Variants in WNT3A observed in about 807,000 individuals in gnomAD.
The protein encoded by WNT3A is Wnt family member 3A.
WNT3A carries 17 observed loss-of-function variants against 37.0 expected under a neutral mutation model. The observed-to-expected ratio is 0.46, with a 90% CI of 0.31 to 0.69. The LOEUF is 0.69. WNT3A is among the 30% of genes least tolerant of loss of function. The probability of loss-of-function intolerance (pLI) is 0.05; values close to 1 mark genes in which losing one functional copy is unlikely to be tolerated. For synonymous variants in WNT3A, 187 were observed against 211.0 expected (o/e 0.89, Z 0.99); for missense variants, 411 against 510.2 (o/e 0.81, Z 1.87).
intron 2 of WNT3A, among the ~76,000 whole-genome samples, chr1:228,036,943 C>A (rs999307187): frequency 6.6e-6 from 1 of 152,148 alleles, no homozygotes; most frequent in African/African-American, 2.4e-5. Context: ...CAGGAGCGGG[C>A]GAGGCCTGGA....
chr1:228,011,440 G>A (rs989193428), intron 1 of WNT3A, among the ~76,000 whole-genome samples: 1 of 152,088 alleles, frequency 6.6e-6, no homozygotes, highest in African/African-American at 2.4e-5. Context: ...GCCCGCATCT[G>A]TCTGTGTCTC....
Position 228,022,733 on chromosome 1 carries a change from G to C in WNT3A, c.138G>C (p.Pro46=). 6.2e-7 allele frequency: 1 copy of C among 1,614,100 alleles called. No homozygotes were observed. The highest frequency in any genetic ancestry group is 1.1e-5 in the South Asian group (1 of 91,084). Residue 46 remains proline (P), a synonymous_variant, in exon 2 of 4, where the codon CCG becomes CCC. Transcript: ENST00000284523. ...GSQPILCASI[P]GLVPKQLRFC... ...AGCCCATCCTGTGTGCCAGCATCCC[G>C]GGCCTGGTCCCCAAGCAGCTCCGCT...
At chr1:228,054,471 A>G (rs2031623729) in intron 3 of WNT3A, among the ~76,000 whole-genome samples, 1 of 151,266 alleles carries the variant, frequency 6.6e-6, no homozygotes, top group Non-Finnish European at 1.5e-5. Context: ...AAAAAATAAC[A>G]AAAAAAATTA....
At chr1:228,025,132 T>G (rs2030821661) in intron 2 of WNT3A, among the ~76,000 whole-genome samples, 1 of 152,116 alleles carries the variant, frequency 6.6e-6, no homozygotes, top group African/African-American at 2.4e-5. Context: ...GAAAAAAGAT[T>G]GTTTTGGCTA....
chr1:228,055,880 C>T (rs1051947238), intron 3 of WNT3A, among the ~76,000 whole-genome samples: 1 of 152,218 alleles, frequency 6.6e-6, no homozygotes, highest in Non-Finnish European at 1.5e-5. Flanking sequence ...TTGTTTTCTG[C>T]AAAGCACAGG....
chr1:228,007,226 C>A lies in WNT3A; in HGVS notation c.71+27C>A. 6.3e-7 allele frequency: 1 copy of A among 1,590,318 alleles called. No homozygotes were observed. Among genetic ancestry groups the A allele is most frequent in the Non-Finnish European group, 8.6e-7 (1 of 1,168,942 alleles). Reference sequence around the variant, plus strand: ...TGAGTGAGCCTCCTCGCGTTCGCCCCTGCCCCTGTGCGCCGCGCCCGCAGC... The same window carrying A: ...TGAGTGAGCCTCCTCGCGTTCGCCCATGCCCCTGTGCGCCGCGCCCGCAGC... On this transcript the variant is annotated intron_variant, in intron 1 of 3. Coordinates refer to ENST00000284523, the MANE Select transcript of WNT3A (RefSeq NM_033131.4). The surrounding 1 kb of genome is among the most constrained non-coding windows in gnomAD (Gnocchi z 6.0).
chr1:228,042,081 C>T lies in WNT3A; in HGVS notation c.314-8575C>T, dbSNP rs1443998353. Among the ~76,000 whole-genome samples the T allele has an allele frequency of 1.3e-5, 2 of 152,108 alleles. No individual in the cohort carries two copies. The highest frequency in any genetic ancestry group is 2.4e-5 in the African/African-American group (1 of 41,420). On this transcript the variant is annotated intron_variant, in intron 2 of 3. Transcript: ENST00000284523. The surrounding 1 kb of genome is among the most constrained non-coding windows in gnomAD (Gnocchi z 5.2). ...GCAACCTCCGCCTCCCGGGTTCAAG[C>T]GATTCTCCCACCTCAGCCTCTTGAG...
chr1:228,049,920 T>A (rs2031505001), intron 2 of WNT3A, among the ~76,000 whole-genome samples: 1 of 151,740 alleles, frequency 6.6e-6, no homozygotes, highest in Non-Finnish European at 1.5e-5. Flanking sequence ...TGGGACTACA[T>A]GCACACACCA....
At chr1:228,036,871 A>G (rs2031156050) in intron 2 of WNT3A, among the ~76,000 whole-genome samples, 1 of 152,176 alleles carries the variant, frequency 6.6e-6, no homozygotes, top group Admixed American at 6.5e-5. Flanking sequence ...GTGGCTCTGC[A>G]GAGAGCCTGG....
rs963854222 is a variant in WNT3A, at chr1:228,008,686, C to G, written c.71+1487C>G. 4.6e-5 allele frequency among the ~76,000 whole-genome samples: 7 copies of G among 152,282 alleles called. No homozygotes were observed. The East Asian group carries it at 5.8e-4, about 13-fold the overall frequency. ...GCAGCGCGTCCGTCCGAGAGAGCCCCGAGGGCTGCCGGCTTACGCACCAGG... is the reference window on the plus strand; with the variant it reads ...GCAGCGCGTCCGTCCGAGAGAGCCCGGAGGGCTGCCGGCTTACGCACCAGG... On this transcript the variant is annotated intron_variant, in intron 1 of 3. Coordinates refer to ENST00000284523, the MANE Select transcript of WNT3A (RefSeq NM_033131.4). The surrounding 1 kb of genome is among the most constrained non-coding windows in gnomAD (Gnocchi z 4.9).
chr1:228,026,174 C>T (rs1364667338), intron 2 of WNT3A, among the ~76,000 whole-genome samples: 1 of 151,480 alleles, frequency 6.6e-6, no homozygotes, highest in East Asian at 1.9e-4. Context: ...TGTAACCCTG[C>T]TTAATTTGTT....
rs1024948856 is a variant in WNT3A, at chr1:228,060,953, G to A, written c.*1488G>A. On this transcript the variant is annotated 3_prime_UTR_variant, in exon 4 of 4. Transcript: ENST00000284523. ...GGCCCCCTTCCTGGCCCCTCATGGC[G>A]GGACTGGAGAAATGGTCCGCTTTCC... 4 of 152,516 alleles carry A rather than the reference G, an allele frequency of 2.6e-5. No homozygotes were observed. The highest frequency in any genetic ancestry group is 5.9e-5 in the Non-Finnish European group (4 of 68,128). 9.4% of individuals were successfully genotyped at this position (152,516 alleles called of 1,614,324 possible). A position where few individuals can be genotyped will look rare whatever the true frequency, so the allele number is the denominator to read the frequency against.
At chr1:228,036,198 G>C (rs868261476) in intron 2 of WNT3A, among the ~76,000 whole-genome samples, 6 of 152,238 alleles carry the variant, frequency 3.9e-5, no homozygotes, top group African/African-American at 1.2e-4. Flanking sequence ...CCCCTGCCAA[G>C]ATGGCCTTGT....
chr1:228,025,417 C>T (rs776941571), intron 2 of WNT3A, among the ~76,000 whole-genome samples: 43 of 152,126 alleles, frequency 2.8e-4, no homozygotes, highest in Non-Finnish European at 3.4e-4. Context: ...GGCATGATCA[C>T]GGCTCATTGC....
At chr1:228,036,750 C>T (rs2031153583) in intron 2 of WNT3A, among the ~76,000 whole-genome samples, 2 of 152,196 alleles carry the variant, frequency 1.3e-5, no homozygotes, top group South Asian at 4.1e-4. Context: ...ACACCTCACT[C>T]TTGACCCCTG....
At chr1:228,035,133 T>C (rs1036602286) in intron 2 of WNT3A, among the ~76,000 whole-genome samples, 2 of 152,156 alleles carry the variant, frequency 1.3e-5, no homozygotes, top group African/African-American at 2.4e-5. Flanking sequence ...CAGGAGGGCT[T>C]CCCAGGGGAG....
In WNT3A at chr1:228,031,179, C is replaced by T. The variant is rs1442467080; in HGVS notation, c.313+8271C>T. On this transcript the variant is annotated intron_variant, in intron 2 of 3. Transcript: ENST00000284523. The surrounding 1 kb of genome is among the most constrained non-coding windows in gnomAD (Gnocchi z 4.8). ...GGACCCGAGGGTCAGGCTCAGAGTC[C>T]GGGCACTGGTCACTGTGGGTCTGGG... 6.6e-6 allele frequency among the ~76,000 whole-genome samples: 1 copy of T among 152,188 alleles called. No individual in the cohort carries two copies. Among genetic ancestry groups the T allele is most frequent in the African/African-American group, 2.4e-5 (1 of 41,454 alleles).
intron 2 of WNT3A, among the ~76,000 whole-genome samples, chr1:228,028,439 T>C (rs1408963501): frequency 6.6e-6 from 1 of 152,048 alleles, no homozygotes; most frequent in Non-Finnish European, 1.5e-5. Context: ...GTAACTGGGA[T>C]TACAGGCATG....
chr1:228,016,194 C>T (rs1044978914), intron 1 of WNT3A, among the ~76,000 whole-genome samples: 1 of 152,126 alleles, frequency 6.6e-6, no homozygotes, highest in African/African-American at 2.4e-5. Flanking sequence ...CCAAGGGAGC[C>T]CCCAAGGACC....
Sources: gnomAD v4.1 joint callset for allele counts (sites outside exome capture counted in the v4.1 genomes callset) on GRCh38, gnomAD v4.1.1 for gene constraint, Gnocchi (gnomAD v3.1) non-coding constraint, MANE v1.5 for transcripts, NCBI Gene and HGNC (gene_info 2026-07-23, HGNC 2026-07-21) for gene names.